The following TTC23 variants were observed in gnomAD, a reference collection of about 807,000 sequenced individuals.
TTC23 encodes the protein tetratricopeptide repeat domain 23.
In TTC23, 58 loss-of-function variants were observed where a neutral mutation model predicts 55.1. The ratio of observed to expected loss-of-function variants is 1.05; its 90% CI spans 0.85 to 1.31. The LOEUF (loss-of-function observed/expected upper bound fraction) is 1.31. Ranked by LOEUF, TTC23 falls within the 50% of genes most tolerant of loss-of-function variation. The pLI, the probability that TTC23 is intolerant of heterozygous loss-of-function variation, is 0.00. For missense variants in TTC23, 516 were observed against 534.4 expected (o/e 0.97, Z 0.34); for synonymous variants, 203 against 199.9 (o/e 1.02, Z -0.13).
At chr15:99,142,165 A>T (rs1236439329) in intron 12 of TTC23, among the ~76,000 whole-genome samples, 1 of 152,102 alleles carries the variant, frequency 6.6e-6, no homozygotes, top group Non-Finnish European at 1.5e-5. Context: ...TTTGACAGCC[A>T]TGGTACCTGA....
intron 4 of TTC23, among the ~76,000 whole-genome samples, chr15:99,231,005 A>T (rs1567548630): frequency 6.6e-6 from 1 of 152,208 alleles, no homozygotes; most frequent in Non-Finnish European, 1.5e-5. Context: ...TGCATACATA[A>T]AGGTAGTCCC....
intron 12 of TTC23, among the ~76,000 whole-genome samples, chr15:99,145,670 GTCTC>G (rs375413021): frequency 1.6e-3 from 243 of 152,140 alleles, no homozygotes; most frequent in African/African-American, 5.6e-3. Flanking sequence ...CTCAGTCTAT[GTCTC>G]TCTCTCTGTC....
intron 6 of TTC23, 147 bp downstream of exon 6, chr15:99,221,594 T>A: frequency 1.0e-6 from 1 of 996,408 alleles, no homozygotes; most frequent in African/African-American, 1.6e-5. Flanking sequence ...ATATACCTTA[T>A]CAACTCTTTC....
intron 9 of TTC23, among the ~76,000 whole-genome samples, chr15:99,191,471 G>T (rs952883010): frequency 8.5e-5 from 13 of 152,212 alleles, no homozygotes; most frequent in Non-Finnish European, 1.9e-4. Context: ...GTTTGGCTCT[G>T]TGTCTTTCCC....
chr15:99,218,858 A>C (rs887652256), intron 7 of TTC23, 40 bp downstream of exon 7: 24 of 1,602,160 alleles, frequency 1.5e-5, no homozygotes, highest in Non-Finnish European at 2.0e-5. Flanking sequence ...TGTTACGTGA[A>C]TAGTATTTCT....
chr15:99,163,852 C>T (rs2071704853), intron 10 of TTC23, among the ~76,000 whole-genome samples: 1 of 152,226 alleles, frequency 6.6e-6, no homozygotes, highest in African/African-American at 2.4e-5. Flanking sequence ...GAGCCTTGAT[C>T]TGGGACTTTC....
chr15:99,226,821 G>A (rs557391552), intron 5 of TTC23, among the ~76,000 whole-genome samples: 10 of 152,254 alleles, frequency 6.6e-5, no homozygotes, highest in South Asian at 6.2e-4. Context: ...CCAAGACGGA[G>A]CCACTCTATG....
At chr15:99,230,624 A>T (rs925495956) in intron 4 of TTC23, among the ~76,000 whole-genome samples, 2 of 152,182 alleles carry the variant, frequency 1.3e-5, no homozygotes, top group South Asian at 4.1e-4. Flanking sequence ...AAAAAGACAC[A>T]TTACGTATAA....
chr15:99,246,702 C>T (rs184076893), intron 1 of TTC23, among the ~76,000 whole-genome samples: 1 of 151,940 alleles, frequency 6.6e-6, no homozygotes, highest in African/African-American at 2.4e-5. Flanking sequence ...AGGTGGATCA[C>T]GAGTTCAGGA....
chr15:99,199,404 CAAAAAAAAAAAAAA>C (rs35189767), intron 9 of TTC23, among the ~76,000 whole-genome samples: 1 of 58,218 alleles, frequency 1.7e-5, no homozygotes, highest in African/African-American at 6.1e-5. Context: ...CCTGTCTCTC[CAAAAAAAAAAAAAA>C]AAAAAAAAAT....
intron 5 of TTC23, among the ~76,000 whole-genome samples, chr15:99,224,816 G>T (rs1433872595): frequency 3.3e-5 from 5 of 152,198 alleles, no homozygotes; most frequent in Non-Finnish European, 7.3e-5. Flanking sequence ...TAGTTTGTCA[G>T]TTTGTCAGTT....
chr15:99,220,159 C>T (rs551829162), intron 6 of TTC23, among the ~76,000 whole-genome samples: 1 of 152,224 alleles, frequency 6.6e-6, no homozygotes, highest in South Asian at 2.1e-4. Flanking sequence ...AGTCAGACTG[C>T]CCAGGATGGA....
At chr15:99,199,803 T>C (rs2151992462) in intron 9 of TTC23, 116 bp downstream of exon 9, 1 of 1,053,558 alleles carries the variant, frequency 9.5e-7, no homozygotes, top group South Asian at 1.8e-5. Context: ...GGCCAACTGT[T>C]GTCCTTATCT....
chr15:99,154,478 T>C (rs1221045400), intron 12 of TTC23, among the ~76,000 whole-genome samples: 1 of 152,176 alleles, frequency 6.6e-6, no homozygotes, highest in Non-Finnish European at 1.5e-5. Context: ...GGTTTGGTTA[T>C]GAAAGGCTGA....
chr15:99,219,023 A>G lies in TTC23; in HGVS notation c.330T>C (p.His110=). Residue 110 remains histidine (H), a synonymous_variant, in exon 7 of 14, where the codon CAT becomes CAC. Coordinates refer to ENST00000394132, the MANE Select transcript of TTC23 (RefSeq NM_001288615.3). ...LKGLSLQAKQ[H]AEKARQILAN... Reference sequence around the variant, plus strand: ...CGAGGATTTGTCTGGCTTTTTCTGCATGTTGTTTTGCTTGCAGTGACAGTC... The same window carrying G: ...CGAGGATTTGTCTGGCTTTTTCTGCGTGTTGTTTTGCTTGCAGTGACAGTC... The G allele has an allele frequency of 1.2e-6, 2 of 1,614,170 alleles. No homozygotes were observed. Among genetic ancestry groups the G allele is most frequent in the Non-Finnish European group, 1.7e-6 (2 of 1,180,012 alleles).
In TTC23 at chr15:99,190,695, C is replaced by T. The variant is rs1010087583; in HGVS notation, c.759+9224G>A. ...TAACTCACTTCCCATTCCCAAAGTG[C>T]TAAGGACTCCTGAGAGTGACAAGAC... is the stretch of plus-strand genomic sequence containing the variant. On this transcript the variant is annotated intron_variant, in intron 9 of 13. Coordinates refer to ENST00000394132, the MANE Select transcript of TTC23 (RefSeq NM_001288615.3). Among the ~76,000 whole-genome samples, 6 of 152,268 alleles carry T rather than the reference C, an allele frequency of 3.9e-5. 1 individual carries two copies. Among genetic ancestry groups the T allele is most frequent in the Admixed American group, 3.9e-4 (6 of 15,298 alleles).
At chr15:99,174,345 T>C (rs562737513) in intron 10 of TTC23, among the ~76,000 whole-genome samples, 2 of 152,302 alleles carry the variant, frequency 1.3e-5, no homozygotes, top group South Asian at 4.1e-4. Flanking sequence ...GTTGATTTTA[T>C]GCTTTTGAGC....
chr15:99,201,041 A>G (rs1022113450), intron 8 of TTC23, among the ~76,000 whole-genome samples: 2 of 152,254 alleles, frequency 1.3e-5, no homozygotes, highest in Non-Finnish European at 2.9e-5. Flanking sequence ...ATATGCACAG[A>G]AAGATGGCAA....
At chr15:99,242,425 G>A (rs1260717512) in intron 2 of TTC23, among the ~76,000 whole-genome samples, 2 of 152,144 alleles carry the variant, frequency 1.3e-5, no homozygotes, top group African/African-American at 4.8e-5. Context: ...AACCATTAAA[G>A]AAGAAACAAC....
Sources: allele counts gnomAD v4.1 joint callset (sites outside exome capture counted in the v4.1 genomes callset), GRCh38; gene constraint gnomAD v4.1.1; transcripts MANE v1.5; gene names NCBI Gene and HGNC (gene_info 2026-07-23, HGNC 2026-07-21).